PCDHGB2: variants seen among roughly 807,000 people sequenced by gnomAD.
PCDHGB2 encodes protocadherin gamma-B2.
In PCDHGB2, 55 loss-of-function variants were observed where a neutral mutation model predicts 59.3. The ratio of observed to expected loss-of-function variants is 0.93; its 90% confidence interval spans 0.75 to 1.16. The LOEUF (loss-of-function observed/expected upper bound fraction) is 1.16. Ranked by LOEUF, PCDHGB2 falls within the 50% of genes most tolerant of loss-of-function variation. PCDHGB2 has a pLI of 0.00. For missense variants in PCDHGB2, 1,228 were observed against 1,198.5 expected (o/e 1.02, Z -0.36); for synonymous variants, 516 against 512.0 (o/e 1.01, Z -0.11).
intron 1 of PCDHGB2, chr5:141,414,814 A>C (rs1368279926): frequency 6.2e-7 from 1 of 1,614,100 alleles, no homozygotes; most frequent in African/African-American, 1.3e-5. Flanking sequence ...TCCTCCACTC[A>C]GCAGCAACGT....
chr5:141,385,052 G>A (rs559398944), intron 1 of PCDHGB2: 3 of 1,614,152 alleles, frequency 1.9e-6, no homozygotes, highest in Non-Finnish European at 8.5e-7. Context: ...AGGCTGCGGC[G>A]CTGGCACAAG....
Position 141,432,593 on chromosome 5 carries a change from A to G in PCDHGB2, c.2422-62214A>G, listed in dbSNP as rs2097518945. ...GCTGTCCTACCGTCTGCTCAAGGCC[A>G]GCGAGCCGGGACTCTTCTCGGTGGG... On this transcript the variant is annotated intron_variant, in intron 1 of 3. Transcript: ENST00000522605. The surrounding 1 kb of genome is among the most constrained non-coding windows in gnomAD (Gnocchi z 6.0). 6.2e-7 allele frequency: 1 copy of G among 1,612,958 alleles called. No individual in the cohort carries two copies. Among genetic ancestry groups the G allele is most frequent in the Non-Finnish European group, 8.5e-7 (1 of 1,179,834 alleles).
At chr5:141,397,225 T>C (rs2093492124) in intron 1 of PCDHGB2, among the ~76,000 whole-genome samples, 1 of 151,338 alleles carries the variant, frequency 6.6e-6, no homozygotes, top group Non-Finnish European at 1.5e-5. Context: ...TTTTGAGATA[T>C]GAAGAAGAGC....
At chr5:141,413,840 G>T (rs1323659502) in intron 1 of PCDHGB2, 1 of 1,613,306 alleles carries the variant, frequency 6.2e-7, no homozygotes, top group Non-Finnish European at 8.5e-7. Flanking sequence ...TCCGACGGGG[G>T]TGACCCTCTC....
At chr5:141,406,940 A>C (rs2094868445) in intron 1 of PCDHGB2, among the ~76,000 whole-genome samples, 1 of 152,212 alleles carries the variant, frequency 6.6e-6, no homozygotes, top group African/African-American at 2.4e-5. Context: ...ATTTAATGTT[A>C]TTTTAAACAT....
intron 1 of PCDHGB2, chr5:141,392,278 G>C (rs2092498621): frequency 6.6e-6 from 1 of 152,148 alleles, no homozygotes; most frequent in Non-Finnish European, 1.5e-5. Flanking sequence ...ATAAAGCTTA[G>C]AGCACAATGG....
chr5:141,375,181 C>T (rs868598149), intron 1 of PCDHGB2: 1 of 1,613,954 alleles, frequency 6.2e-7, no homozygotes, highest in Non-Finnish European at 8.5e-7. Flanking sequence ...GAACAGTAAT[C>T]GCCCTTTTTC....
intron 1 of PCDHGB2, chr5:141,366,183 C>T (rs1265107316): frequency 6.2e-7 from 1 of 1,613,986 alleles, no homozygotes; most frequent in South Asian, 1.1e-5. Context: ...GGACTCTTTG[C>T]GGTTGGGCTG....
intron 1 of PCDHGB2, chr5:141,478,400 C>A (rs1295855090): frequency 6.2e-7 from 1 of 1,613,550 alleles, no homozygotes; most frequent in East Asian, 2.2e-5. Context: ...TCAGGTGTAT[C>A]TCACCACGGA....
chr5:141,487,293 C>T lies in PCDHGB2; in HGVS notation c.2422-7514C>T. ...GCAATTTGCTTTGTCTCCTTTGGCT[C>T]ATTCGTGGCACTACTCTCTAAGTGT... is the stretch of plus-strand genomic sequence containing the variant. On this transcript the variant is annotated intron_variant, in intron 1 of 3. Transcript: ENST00000522605. The surrounding 1 kb of genome is among the most constrained non-coding windows in gnomAD (Gnocchi z 5.0). 1 of 1,614,148 alleles carries T rather than the reference C, an allele frequency of 6.2e-7. No individual in the cohort carries two copies. Among genetic ancestry groups the T allele is most frequent in the Non-Finnish European group, 8.5e-7 (1 of 1,180,010 alleles).
At chr5:141,364,103 C>CT (rs1452729364) in intron 1 of PCDHGB2, 1 of 411,008 alleles carries the variant, frequency 2.4e-6, no homozygotes, top group African/African-American at 2.1e-5. Flanking sequence ...GATGCAGTCA[C>CT]TGGTTAGGAC....
chr5:141,382,904 C>G, intron 1 of PCDHGB2: 1 of 1,543,132 alleles, frequency 6.5e-7, no homozygotes, highest in Non-Finnish European at 8.7e-7. Context: ...ACGACTATGG[C>G]GGCTCAGCCG....
intron 1 of PCDHGB2, chr5:141,383,195 G>T: frequency 1.2e-6 from 2 of 1,614,044 alleles, no homozygotes; most frequent in Non-Finnish European, 1.7e-6. Flanking sequence ...TGCGCTCAGA[G>T]TGCGCGGTGT....
Position 141,511,403 on chromosome 5 carries a change from AC to A in PCDHGB2, c.*231del. ...TCCGCTGGGAACCCCCATCCAATCA[AC>A]TGCTGTACCCATGGGGGTAGTGGGG... is the stretch of plus-strand genomic sequence containing the variant. On this transcript the variant is annotated 3_prime_UTR_variant, in exon 4 of 4. Coordinates refer to ENST00000522605, the MANE Select transcript of PCDHGB2 (RefSeq NM_018923.3). 1.1e-6 allele frequency: 1 copy of A among 939,022 alleles called. No homozygotes were observed. The highest frequency in any genetic ancestry group is 1.5e-6 in the Non-Finnish European group (1 of 650,838). The allele number at this position is 939,022 out of a possible 1,614,324, so 58.2% of individuals were successfully genotyped here. A position where few individuals can be genotyped will look rare whatever the true frequency, so the allele number is the denominator to read the frequency against.
At chr5:141,378,078 T>C (rs1215089288) in intron 1 of PCDHGB2, 1 of 152,178 alleles carries the variant, frequency 6.6e-6, no homozygotes, top group South Asian at 2.1e-4. Context: ...GAAAATAATT[T>C]TATAACTTTT....
rs1485520054 is a variant in PCDHGB2 at position 141,511,210 on chromosome 5, C to T, written c.*37C>T. 6.2e-7 allele frequency: 1 copy of T among 1,609,328 alleles called. No individual in the cohort carries two copies. The highest frequency in any genetic ancestry group is 1.3e-5 in the African/African-American group (1 of 74,896). ...GGCCAAGAGCCACAGGGCGGCCTCT[C>T]CCCAACCAGCCCAGCTTCTCCTTAC... On this transcript the variant is annotated 3_prime_UTR_variant, in exon 4 of 4. Transcript: ENST00000522605.
intron 1 of PCDHGB2, chr5:141,383,837 C>G: frequency 6.2e-7 from 1 of 1,613,886 alleles, no homozygotes; most frequent in Non-Finnish European, 8.5e-7. Flanking sequence ...GAAGAAACTG[C>G]CTTCTATGAA....
chr5:141,401,320 C>A (rs1420214369), intron 1 of PCDHGB2, among the ~76,000 whole-genome samples: 1 of 151,626 alleles, frequency 6.6e-6, no homozygotes, highest in East Asian at 1.9e-4. Flanking sequence ...CCAGCCTGGG[C>A]AACAAGAGCA....
intron 1 of PCDHGB2, chr5:141,408,637 T>C (rs766685548): frequency 4.3e-6 from 7 of 1,614,044 alleles, no homozygotes; most frequent in Non-Finnish European, 5.9e-6. Context: ...TTTTCGAATC[T>C]GCATCCGCTG....
Sources: allele counts gnomAD v4.1 joint callset (sites outside exome capture counted in the v4.1 genomes callset), GRCh38; gene constraint gnomAD v4.1.1; non-coding constraint Gnocchi (gnomAD v3.1); transcripts MANE v1.5; gene names NCBI Gene and HGNC (gene_info 2026-07-23, HGNC 2026-07-21).